Variants in MEGF11 observed in about 807,000 individuals in gnomAD.
The protein encoded by MEGF11 is multiple EGF like domains 11, also known as multiple epidermal growth factor-like domains protein 11.
Under a neutral mutation model 146.6 loss-of-function variants are expected in MEGF11, and 126 were observed. That is an observed-to-expected ratio of 0.86 (90% confidence interval 0.74 to 1.00). The LOEUF is 1.00. Among genes scored for constraint, MEGF11 ranks in the 50% least tolerant of loss-of-function variants. The pLI is 0.00. For synonymous variants in MEGF11, 532 were observed against 583.4 expected, an observed-to-expected ratio of 0.91 and a Z score of 1.27; for missense variants, 1,509 against 1,521.2, an observed-to-expected ratio of 0.99 and a Z score of 0.13.
intron 24 of MEGF11, among the ~76,000 whole-genome samples, chr15:65,901,388 T>A (rs957719762): frequency 1.3e-5 from 2 of 152,008 alleles, no homozygotes; most frequent in African/African-American, 4.8e-5. Flanking sequence ...TCCAATTAGG[T>A]CATTTGAAAC....
chr15:66,017,657 A>T (rs2082936093), intron 5 of MEGF11, among the ~76,000 whole-genome samples: 1 of 152,184 alleles, frequency 6.6e-6, no homozygotes, highest in Non-Finnish European at 1.5e-5. Flanking sequence ...CTCAGTACCC[A>T]CAGGCTCGGC....
At chr15:65,956,224 C>T (rs1371826941) in intron 10 of MEGF11, among the ~76,000 whole-genome samples, 4 of 152,186 alleles carry the variant, frequency 2.6e-5, no homozygotes, top group Admixed American at 6.5e-5. Context: ...TACATATCAG[C>T]GTCCTACTCA....
intron 10 of MEGF11, among the ~76,000 whole-genome samples, chr15:65,947,263 G>A (rs971737889): frequency 1.3e-5 from 2 of 152,174 alleles, no homozygotes; most frequent in Non-Finnish European, 2.9e-5. Context: ...GTGGCTGGGA[G>A]GGGCTGGGCT....
At chr15:65,938,894 C>T (rs992368162) in intron 10 of MEGF11, among the ~76,000 whole-genome samples, 17 of 152,220 alleles carry the variant, frequency 1.1e-4, no homozygotes, top group African/African-American at 4.8e-5. Context: ...TGAATTTTCT[C>T]CCCTGCAATA....
At chr15:66,053,715 ATTTT>A (rs71447880) in intron 5 of MEGF11, among the ~76,000 whole-genome samples, 1 of 32,082 alleles carries the variant, frequency 3.1e-5, no homozygotes, top group African/African-American at 1.2e-4. Flanking sequence ...CCTGGCACCA[ATTTT>A]TTTTTTTTTT....
chr15:66,117,294 G>T (rs1428295104), intron 4 of MEGF11, among the ~76,000 whole-genome samples: 1 of 152,106 alleles, frequency 6.6e-6, no homozygotes, highest in Non-Finnish European at 1.5e-5. Flanking sequence ...TCCCCTCCTA[G>T]AAGTCTTTCA....
intron 4 of MEGF11, among the ~76,000 whole-genome samples, chr15:66,109,949 C>T (rs944183207): frequency 3.9e-5 from 6 of 152,188 alleles, no homozygotes; most frequent in African/African-American, 1.2e-4. Flanking sequence ...GCCTCAGGAA[C>T]TCACTTCTGA....
rs56108395 is a variant in MEGF11 at position 66,160,705 on chromosome 15, ACC to A, written c.-8-32296_-8-32295del. 5.6e-3 allele frequency among the ~76,000 whole-genome samples: 820 copies of A among 145,142 alleles called. 4 individuals carry two copies. The highest frequency in any genetic ancestry group is 0.013 in the African/African-American group (490 of 37,216). On this transcript the variant is annotated intron_variant, in intron 1 of 25. Transcript: ENST00000395614. The stretch of plus-strand genomic sequence containing the variant: ...CACACACACACACACACACACACAC[ACC>A]CTTGCCCTAGGAATTTATTCCTGCC...
At chr15:65,940,494 A>G (rs562717700) in intron 10 of MEGF11, among the ~76,000 whole-genome samples, 1 of 152,348 alleles carries the variant, frequency 6.6e-6, no homozygotes, top group East Asian at 1.9e-4. Context: ...CGTGGCCCAC[A>G]AGGCAAACAG....
intron 1 of MEGF11, among the ~76,000 whole-genome samples, chr15:66,168,693 G>C (rs1484971749): frequency 6.6e-6 from 1 of 152,202 alleles, no homozygotes; most frequent in Non-Finnish European, 1.5e-5. Context: ...ATTAAAATAA[G>C]GCTGGGTTCG....
chr15:66,205,934 T>C (rs1236010232), intron 1 of MEGF11, among the ~76,000 whole-genome samples: 4 of 152,164 alleles, frequency 2.6e-5, no homozygotes, highest in African/African-American at 9.7e-5. Flanking sequence ...GAATATCAAA[T>C]TGGATGAAAA....
intron 5 of MEGF11, among the ~76,000 whole-genome samples, chr15:66,088,513 G>A (rs374201420): frequency 6.9e-4 from 105 of 152,308 alleles, no homozygotes; most frequent in East Asian, 5.0e-3. Context: ...GTAGCTGGGC[G>A]TGGTGGCATG....
At chr15:66,127,737 C>T (rs1307019076) in intron 2 of MEGF11, among the ~76,000 whole-genome samples, 3 of 152,192 alleles carry the variant, frequency 2.0e-5, no homozygotes, top group African/African-American at 7.2e-5. Flanking sequence ...CCCATTCCCC[C>T]AGGACCTAGC....
chr15:66,159,677 C>T (rs189885154), intron 1 of MEGF11, among the ~76,000 whole-genome samples: 48 of 152,232 alleles, frequency 3.2e-4, no homozygotes, highest in Admixed American at 1.4e-3. Context: ...TTACTTCAGA[C>T]CATGAGGATA....
chr15:66,059,317 T>C (rs1191760419), intron 5 of MEGF11, among the ~76,000 whole-genome samples: 5 of 152,140 alleles, frequency 3.3e-5, no homozygotes, highest in African/African-American at 4.8e-5. Flanking sequence ...CCTGCCAGGC[T>C]CATTAGAGCC....
At chr15:66,053,299 C>T (rs761590910) in intron 5 of MEGF11, among the ~76,000 whole-genome samples, 1 of 152,148 alleles carries the variant, frequency 6.6e-6, no homozygotes, top group Non-Finnish European at 1.5e-5. Flanking sequence ...GTACTAACAT[C>T]CTTGCCTGTT....
At chr15:66,029,908 G>C (rs995396453) in intron 5 of MEGF11, among the ~76,000 whole-genome samples, 1 of 152,148 alleles carries the variant, frequency 6.6e-6, no homozygotes, top group Non-Finnish European at 1.5e-5. Flanking sequence ...GATATTTTCA[G>C]TTTTAATCAA....
At chr15:66,034,242 G>C (rs1047310795) in intron 5 of MEGF11, among the ~76,000 whole-genome samples, 2 of 152,300 alleles carry the variant, frequency 1.3e-5, no homozygotes, top group Middle Eastern at 3.4e-3. Context: ...GATGAAATGT[G>C]CCTTGAGTCT....
chr15:65,975,878 T>C (rs1233526641), intron 7 of MEGF11, among the ~76,000 whole-genome samples: 2 of 151,506 alleles, frequency 1.3e-5, no homozygotes, highest in Non-Finnish European at 2.9e-5. Flanking sequence ...CTGAGAAGAG[T>C]AGAAGAGAAC....
Sources: gnomAD v4.1 joint callset for allele counts (sites outside exome capture counted in the v4.1 genomes callset) on GRCh38, gnomAD v4.1.1 for gene constraint, MANE v1.5 for transcripts, NCBI Gene and HGNC (gene_info 2026-07-23, HGNC 2026-07-21) for gene names.